Variants in RBFOX1 observed in about 807,000 individuals in gnomAD.
RBFOX1 encodes the protein RNA binding protein fox-1 homolog 1.
RBFOX1 carries 8 observed loss-of-function variants against 57.7 expected under a neutral mutation model. That is an observed-to-expected ratio of 0.14 (90% CI 0.08 to 0.25). RBFOX1 has a LOEUF of 0.25. Ranked by LOEUF, RBFOX1 falls within the 10% of genes least tolerant of loss-of-function variation. RBFOX1 has a pLI of 1.00. For missense variants in RBFOX1, 611 were observed against 548.5 expected (o/e 1.11, Z -1.14); for synonymous variants, 326 against 222.4 (o/e 1.47, Z -4.15).
chr16:6,799,467 T>TG (rs1200621080), intron 3 of RBFOX1, among the ~76,000 whole-genome samples: 1 of 152,178 alleles, frequency 6.6e-6, no homozygotes, highest in East Asian at 1.9e-4. Flanking sequence ...CCATTCATGA[T>TG]GGTTAATATT....
At chr16:6,191,380 C>G (rs1181894471) in intron 1 of RBFOX1, among the ~76,000 whole-genome samples, 1 of 152,094 alleles carries the variant, frequency 6.6e-6, no homozygotes, top group Non-Finnish European at 1.5e-5. Context: ...TGTCCTTTCA[C>G]TGGCAAGTGA....
chr16:6,767,536 A>C (rs7191072), intron 3 of RBFOX1, among the ~76,000 whole-genome samples: 17,517 of 152,000 alleles, frequency 0.12, 1,347 homozygotes, highest in African/African-American at 0.21. Flanking sequence ...CCTCACCCCC[A>C]AAAAAATTCT....
At chr16:5,325,289 G>C (rs1479346968) in intron 1 of RBFOX1, among the ~76,000 whole-genome samples, 1 of 151,892 alleles carries the variant, frequency 6.6e-6, no homozygotes, top group Non-Finnish European at 1.5e-5. Context: ...AGGTTTACAG[G>C]CATGGCTCTG....
intron 3 of RBFOX1, among the ~76,000 whole-genome samples, chr16:6,959,817 A>T (rs943683812): frequency 2.6e-5 from 4 of 152,152 alleles, no homozygotes; most frequent in Non-Finnish European, 5.9e-5. Context: ...GGCACCTGTA[A>T]TTCCAGCTAC....
At chr16:6,838,223 C>T (rs149775191) in intron 3 of RBFOX1, among the ~76,000 whole-genome samples, 4 of 152,026 alleles carry the variant, frequency 2.6e-5, no homozygotes, top group African/African-American at 9.7e-5. Context: ...GTTCCCTTCC[C>T]TGTGTCCATG....
intron 9 of RBFOX1, among the ~76,000 whole-genome samples, chr16:7,604,318 G>C (rs977171843): frequency 2.0e-5 from 3 of 152,144 alleles, no homozygotes; most frequent in Non-Finnish European, 4.4e-5. Flanking sequence ...AAGGGATCAA[G>C]GATGGGAAGA....
chr16:5,444,864 T>C (rs1206085056), intron 1 of RBFOX1, among the ~76,000 whole-genome samples: 2 of 152,210 alleles, frequency 1.3e-5, no homozygotes, highest in Admixed American at 6.5e-5. Flanking sequence ...ATATCAGCAC[T>C]TTGGTTTAGT....
intron 2 of RBFOX1, among the ~76,000 whole-genome samples, chr16:6,563,552 A>G (rs2097213032): frequency 6.6e-6 from 1 of 152,182 alleles, no homozygotes; most frequent in South Asian, 2.1e-4. Context: ...GGGTAAGCCG[A>G]TAAAAAGATG....
intron 2 of RBFOX1, 78 bp from the exon 3 acceptor site, chr16:6,654,525 A>T: frequency 2.6e-6 from 3 of 1,161,054 alleles, no homozygotes; most frequent in Non-Finnish European, 3.6e-6. Flanking sequence ...CATTTCAACA[A>T]CACCACTGAA....
At chr16:6,035,932 G>C (rs2095359555) in intron 1 of RBFOX1, among the ~76,000 whole-genome samples, 1 of 152,144 alleles carries the variant, frequency 6.6e-6, no homozygotes, top group Non-Finnish European at 1.5e-5. Context: ...AAAGCATTTG[G>C]AATTACGATC....
At chr16:5,920,095 A>G (rs2058789168) in intron 4 of RBFOX1, among the ~76,000 whole-genome samples, 1 of 151,936 alleles carries the variant, frequency 6.6e-6, no homozygotes. Context: ...CACCACACCC[A>G]GCTAATTTTT....
At chr16:6,179,895 C>T (rs2097048840) in intron 1 of RBFOX1, among the ~76,000 whole-genome samples, 1 of 152,066 alleles carries the variant, frequency 6.6e-6, no homozygotes, top group Non-Finnish European at 1.5e-5. Flanking sequence ...TAAGGAAGTT[C>T]TTTCTATTCC....
At chr16:6,478,416 TATATATATATA>T (rs1156645369) in intron 2 of RBFOX1, among the ~76,000 whole-genome samples, 419 of 24,678 alleles carry the variant, frequency 0.017, 5 homozygotes, top group Middle Eastern at 0.022. Context: ...TATATATATA[TATATATATATA>T]TATTTTTTTT....
At chr16:7,091,436 A>C (rs572085118) in intron 4 of RBFOX1, among the ~76,000 whole-genome samples, 1 of 152,236 alleles carries the variant, frequency 6.6e-6, no homozygotes, top group Non-Finnish European at 1.5e-5. Flanking sequence ...CAACAAGTCA[A>C]GTCAAGAATT....
chr16:6,367,554 G>A (rs2089833057), intron 2 of RBFOX1, among the ~76,000 whole-genome samples: 3 of 152,130 alleles, frequency 2.0e-5, no homozygotes, highest in Non-Finnish European at 4.4e-5. Flanking sequence ...ACAGGCGTGA[G>A]CCAATGCGCC....
chr16:6,544,370 G>C (rs11866948), intron 2 of RBFOX1, among the ~76,000 whole-genome samples: 65,475 of 152,056 alleles, frequency 0.43, 14,515 homozygotes, highest in Non-Finnish European at 0.48. Context: ...TTCCCCTCTT[G>C]CAATCTGAGG....
At chr16:6,100,803 C>G (rs1226315359) in intron 1 of RBFOX1, among the ~76,000 whole-genome samples, 1 of 152,116 alleles carries the variant, frequency 6.6e-6, no homozygotes, top group Non-Finnish European at 1.5e-5. Context: ...GGGATTTGAA[C>G]CCTGGGTGGC....
chr16:5,266,224 C>A (rs1481887089), intron 1 of RBFOX1, among the ~76,000 whole-genome samples: 1 of 152,118 alleles, frequency 6.6e-6, no homozygotes, highest in Non-Finnish European at 1.5e-5. Context: ...TCAGCAGTTT[C>A]TCTGTTGTAT....
intron 1 of RBFOX1, among the ~76,000 whole-genome samples, chr16:5,451,615 A>G (rs2068427931): frequency 6.6e-6 from 1 of 152,224 alleles, no homozygotes; most frequent in African/African-American, 2.4e-5. Context: ...ACTATTATTT[A>G]AGAAAGAAAT....
Sources: gnomAD v4.1 joint callset for allele counts (sites outside exome capture counted in the v4.1 genomes callset) on GRCh38, gnomAD v4.1.1 for gene constraint, MANE v1.5 for transcripts, NCBI Gene and HGNC (gene_info 2026-07-23, HGNC 2026-07-21) for gene names.